PXDNL: variants seen among roughly 807,000 people sequenced by gnomAD.
The protein encoded by PXDNL is peroxidasin like, also known as probable oxidoreductase PXDNL.
A neutral mutation model predicts 150.8 loss-of-function variants in PXDNL; 145 were observed. The observed-to-expected ratio is 0.96, with a 90% CI of 0.84 to 1.10. PXDNL has a LOEUF of 1.10. PXDNL is among the 50% of genes least tolerant of loss of function. The probability of loss-of-function intolerance (pLI) is 0.00; values close to 1 mark genes in which losing one functional copy is unlikely to be tolerated. For missense variants in PXDNL, 2,087 were observed against 1,873.9 expected (o/e 1.11, Z -2.10); for synonymous variants, 757 against 725.7 (o/e 1.04, Z -0.69).
chr8:51,652,192 G>T (rs1027104267), intron 2 of PXDNL, among the ~76,000 whole-genome samples: 1 of 151,930 alleles, frequency 6.6e-6, no homozygotes, highest in Non-Finnish European at 1.5e-5. Flanking sequence ...GAGCCATATG[G>T]TCAAAATTTT....
At chr8:51,593,860 G>A (rs1337923937) in intron 2 of PXDNL, among the ~76,000 whole-genome samples, 1 of 152,176 alleles carries the variant, frequency 6.6e-6, no homozygotes, top group Non-Finnish European at 1.5e-5. Context: ...CAGAGATAAT[G>A]TCAATTTTCA....
chr8:51,473,311 A>ACACACACACACACAC (rs60041397), intron 7 of PXDNL, among the ~76,000 whole-genome samples: 1 of 151,666 alleles, frequency 6.6e-6, no homozygotes, highest in Non-Finnish European at 1.5e-5. Flanking sequence ...ACACACACAC[A>ACACACACACACACAC]AATACATATT....
chr8:51,622,698 T>A (rs1039021804), intron 2 of PXDNL, among the ~76,000 whole-genome samples: 3 of 152,210 alleles, frequency 2.0e-5, no homozygotes, highest in African/African-American at 7.2e-5. Context: ...TCCTACCAAG[T>A]GATCAATACA....
At chr8:51,706,329 A>G (rs1436484589) in intron 1 of PXDNL, among the ~76,000 whole-genome samples, 1 of 152,178 alleles carries the variant, frequency 6.6e-6, no homozygotes, top group Non-Finnish European at 1.5e-5. Flanking sequence ...GTCTCAAAAA[A>G]AAAAAATTGG....
intron 6 of PXDNL, among the ~76,000 whole-genome samples, chr8:51,476,760 T>C (rs1484118176): frequency 6.6e-6 from 1 of 152,196 alleles, no homozygotes; most frequent in Non-Finnish European, 1.5e-5. Flanking sequence ...TCACACTCTA[T>C]GCAAGGAAGT....
At chr8:51,609,835 C>T (rs762549116) in intron 2 of PXDNL, among the ~76,000 whole-genome samples, 2 of 152,112 alleles carry the variant, frequency 1.3e-5, no homozygotes, top group South Asian at 2.1e-4. Context: ...TTTAAATGTA[C>T]GTAGAGAAGT....
At chr8:51,595,710 C>A (rs529892595) in intron 2 of PXDNL, among the ~76,000 whole-genome samples, 1 of 152,096 alleles carries the variant, frequency 6.6e-6, no homozygotes, top group Admixed American at 6.6e-5. Flanking sequence ...GCATAGTCAC[C>A]AAGCAAGAGA....
chr8:51,431,826 G>A (rs978079959), intron 12 of PXDNL, among the ~76,000 whole-genome samples: 4 of 152,072 alleles, frequency 2.6e-5, no homozygotes, highest in Non-Finnish European at 5.9e-5. Context: ...CAAGCATACC[G>A]ATTTAACTTT....
At chr8:51,493,949 A>G (rs11998376) in intron 5 of PXDNL, among the ~76,000 whole-genome samples, 45,908 of 149,868 alleles carry the variant, frequency 0.31, 6,975 homozygotes, top group African/African-American at 0.45. Context: ...GATACTCCTC[A>G]AGAAGAGTAA....
At chr8:51,708,061 T>C (rs1417259771) in intron 1 of PXDNL, among the ~76,000 whole-genome samples, 4 of 152,220 alleles carry the variant, frequency 2.6e-5, no homozygotes, top group Admixed American at 6.5e-5. Context: ...TATTTACTCA[T>C]GCACTGATTC....
At chr8:51,427,896 G>A (rs926978730) in intron 12 of PXDNL, among the ~76,000 whole-genome samples, 1 of 152,126 alleles carries the variant, frequency 6.6e-6, no homozygotes, top group African/African-American at 2.4e-5. Context: ...GCAGGAAAAG[G>A]ACATAGAAAG....
At chr8:51,592,098 T>G (rs1469309951) in intron 3 of PXDNL, among the ~76,000 whole-genome samples, 1 of 152,186 alleles carries the variant, frequency 6.6e-6, no homozygotes, top group Non-Finnish European at 1.5e-5. Flanking sequence ...TTAAAATATC[T>G]TTATTCCCAT....
In PXDNL at chr8:51,432,018, T is replaced by A. The variant is rs1388122893; in HGVS notation, c.1526-5260A>T. Among the ~76,000 whole-genome samples the A allele has an allele frequency of 2.6e-5, 4 of 152,372 alleles. No homozygotes were observed. The East Asian group carries it at 7.7e-4, about 29-fold the overall frequency. On this transcript the variant is annotated intron_variant, in intron 12 of 22. Transcript: ENST00000356297. The stretch of plus-strand genomic sequence containing the variant: ...TTTTAATGTAGATAAGATTATCATC[T>A]TTTCTGATAGGCTAATAGTTTTCTG...
At chr8:51,525,265 T>C (rs1811745839) in intron 4 of PXDNL, among the ~76,000 whole-genome samples, 2 of 152,350 alleles carry the variant, frequency 1.3e-5, no homozygotes, top group East Asian at 1.9e-4. Context: ...GAAGATTACA[T>C]ATTCTTTAAA....
intron 1 of PXDNL, among the ~76,000 whole-genome samples, chr8:51,681,127 T>C (rs1483943037): frequency 6.6e-6 from 1 of 152,156 alleles, no homozygotes; most frequent in Non-Finnish European, 1.5e-5. Flanking sequence ...TGAGCATGCA[T>C]GGAGCTGACC....
At chr8:51,773,083 C>T (rs576293318) in intron 1 of PXDNL, among the ~76,000 whole-genome samples, 7 of 152,304 alleles carry the variant, frequency 4.6e-5, no homozygotes, top group African/African-American at 1.7e-4. Flanking sequence ...TCAGAAATAG[C>T]AGGATGATAA....
At chr8:51,783,825 G>T (rs925574482) in intron 1 of PXDNL, among the ~76,000 whole-genome samples, 2 of 152,136 alleles carry the variant, frequency 1.3e-5, no homozygotes, top group African/African-American at 4.8e-5. Context: ...TATGTTTAGC[G>T]AGCCTTAGAA....
chr8:51,617,273 A>G (rs932962722), intron 2 of PXDNL, among the ~76,000 whole-genome samples: 1 of 152,256 alleles, frequency 6.6e-6, no homozygotes, highest in African/African-American at 2.4e-5. Flanking sequence ...ATTAGTTGAC[A>G]TTAAAAGACA....
Position 51,711,640 on chromosome 8 carries a change from ATTACTTTTGTCAAC to A in PXDNL, c.165-56894_165-56881del, listed in dbSNP as rs1487745978. ...AAAACTACATGTATTCTATTCTCCA[ATTACTTTTGTCAAC>A]TTACTTTTGTTAAGTGACTTTGTTT... On this transcript the variant is annotated intron_variant, in intron 1 of 22. Coordinates refer to ENST00000356297, the MANE Select transcript of PXDNL (RefSeq NM_144651.5). Among the ~76,000 whole-genome samples the A allele has an allele frequency of 3.3e-5, 5 of 152,228 alleles. No individual in the cohort carries two copies. In the East Asian group the frequency reaches 5.8e-4, roughly 18 times the overall value.
Sources: allele counts gnomAD v4.1 joint callset (sites outside exome capture counted in the v4.1 genomes callset), GRCh38; gene constraint gnomAD v4.1.1; transcripts MANE v1.5; gene names NCBI Gene and HGNC (gene_info 2026-07-23, HGNC 2026-07-21).